SNX24: variants seen among roughly 807,000 people sequenced by gnomAD.
SNX24 encodes sorting nexin-24.
Under a neutral mutation model 28.7 loss-of-function variants are expected in SNX24, and 22 were observed. The observed-to-expected ratio is 0.77, with a 90% CI of 0.55 to 1.10. SNX24 has a LOEUF of 1.10. Ranked by LOEUF, SNX24 falls within the 50% of genes least tolerant of loss-of-function variation. SNX24 has a pLI of 0.00. For synonymous variants in SNX24, 69 were observed against 71.5 expected (o/e 0.96, Z 0.18); for missense variants, 221 against 201.1 (o/e 1.10, Z -0.60).
intron 3 of SNX24, among the ~76,000 whole-genome samples, chr5:122,994,039 AGT>A (rs773645448): frequency 3.3e-5 from 5 of 151,708 alleles, no homozygotes; most frequent in South Asian, 2.1e-4. Flanking sequence ...AATGGAAAGA[AGT>A]GTGTGTGTGT....
intron 1 of SNX24, among the ~76,000 whole-genome samples, chr5:122,867,191 C>T (rs1305111005): frequency 6.6e-6 from 1 of 152,228 alleles, no homozygotes; most frequent in Non-Finnish European, 1.5e-5. Flanking sequence ...ACCAAGCCAG[C>T]TGTTTCAGGA....
intron 1 of SNX24, among the ~76,000 whole-genome samples, chr5:122,875,125 A>G (rs974165518): frequency 6.6e-6 from 1 of 152,226 alleles, no homozygotes; most frequent in Admixed American, 6.5e-5. Context: ...TCAAGTAAAC[A>G]TTTGATAGAA....
At chr5:122,964,272 A>G (rs1321918645) in intron 3 of SNX24, among the ~76,000 whole-genome samples, 1 of 150,424 alleles carries the variant, frequency 6.6e-6, no homozygotes. Flanking sequence ...AAAAAAAAAA[A>G]GAACAATAGT....
intron 5 of SNX24, chr5:123,024,001 T>C (rs1335086853): frequency 6.2e-7 from 1 of 1,612,026 alleles, no homozygotes; most frequent in Non-Finnish European, 8.5e-7. Context: ...AGTGCACCAC[T>C]GTCTGGTGAG....
chr5:122,911,340 T>A (rs1364199048), intron 1 of SNX24, among the ~76,000 whole-genome samples: 1 of 152,216 alleles, frequency 6.6e-6, no homozygotes, highest in Admixed American at 6.5e-5. Flanking sequence ...TGTAAATTTG[T>A]TTGAGTTCAT....
intron 5 of SNX24, among the ~76,000 whole-genome samples, chr5:123,017,655 T>C (rs535976330): frequency 5.9e-5 from 9 of 151,940 alleles, no homozygotes; most frequent in Non-Finnish European, 1.3e-4. Flanking sequence ...AGGGACCCGG[T>C]GGGAGGTGGT....
rs200750794 is a variant in SNX24 at position 122,887,468 on chromosome 5, G to C, written c.60+41775G>C. ...CTGTGCTTTTTAAATCTGAGGACTCGGGTCTTTATTGAATTCTGGGAAATT... is the reference window on the plus strand; with the variant it reads ...CTGTGCTTTTTAAATCTGAGGACTCCGGTCTTTATTGAATTCTGGGAAATT... On this transcript the variant is annotated intron_variant, in intron 1 of 6. Transcript: ENST00000261369. 1.1e-4 allele frequency among the ~76,000 whole-genome samples: 16 copies of C among 152,164 alleles called. No homozygotes were observed. The East Asian group carries it at 2.3e-3, about 22-fold the overall frequency.
intron 1 of SNX24, among the ~76,000 whole-genome samples, chr5:122,873,675 T>C (rs144593144): frequency 6.6e-6 from 1 of 152,106 alleles, no homozygotes; most frequent in African/African-American, 2.4e-5. Flanking sequence ...TACCAGGCAC[T>C]GTACTGAGCC....
intron 1 of SNX24, among the ~76,000 whole-genome samples, chr5:122,924,241 A>T (rs937176315): frequency 1.4e-4 from 22 of 152,372 alleles, no homozygotes; most frequent in African/African-American, 5.3e-4. Context: ...AAGAATAACT[A>T]TTACAATAAT....
At chr5:122,987,142 G>T (rs1328302554) in intron 3 of SNX24, among the ~76,000 whole-genome samples, 5 of 152,112 alleles carry the variant, frequency 3.3e-5, no homozygotes, top group Admixed American at 3.3e-4. Context: ...GTGAAGCGTG[G>T]TTATCAGCTG....
chr5:123,012,344 A>ATTC (rs1370363568), downstream of SNX24, among the ~76,000 whole-genome samples: 12 of 152,246 alleles, frequency 7.9e-5, no homozygotes, highest in African/African-American at 2.9e-4. Context: ...TAAAAAGGAA[A>ATTC]TTCTGACACA....
chr5:122,908,847 A>G (rs944448814), intron 1 of SNX24, among the ~76,000 whole-genome samples: 1 of 152,186 alleles, frequency 6.6e-6, no homozygotes, highest in Non-Finnish European at 1.5e-5. Context: ...GGTGGAACGG[A>G]ATGTCCTGTG....
At chr5:123,004,341 G>C (rs982342487) in intron 6 of SNX24, among the ~76,000 whole-genome samples, 2 of 152,180 alleles carry the variant, frequency 1.3e-5, no homozygotes, top group Non-Finnish European at 2.9e-5. Context: ...AGTGATTTCA[G>C]TGTGGCTGAA....
At chr5:122,945,083 A>ATGAC (rs1402021405) in intron 2 of SNX24, among the ~76,000 whole-genome samples, 9 of 152,216 alleles carry the variant, frequency 5.9e-5, no homozygotes, top group Non-Finnish European at 1.0e-4. Flanking sequence ...TCAAGGTGTC[A>ATGAC]GCAGGATGAC....
intron 1 of SNX24, among the ~76,000 whole-genome samples, chr5:122,864,953 G>A (rs771877621): frequency 3.9e-5 from 6 of 152,226 alleles, no homozygotes; most frequent in African/African-American, 7.2e-5. Context: ...TTCCTCCCAA[G>A]GTTAGGTCAG....
chr5:123,028,939 A>G (rs998501507), intron 5 of SNX24: 1 of 1,296,954 alleles, frequency 7.7e-7, no homozygotes, highest in African/African-American at 1.5e-5. Flanking sequence ...GTGTTGATCT[A>G]GAAAGGACAA....
chr5:122,869,048 A>G (rs1420031007), intron 1 of SNX24, among the ~76,000 whole-genome samples: 1 of 152,250 alleles, frequency 6.6e-6, no homozygotes, highest in Non-Finnish European at 1.5e-5. Flanking sequence ...ATAAATGCAT[A>G]CCTGTGGAAA....
At chr5:123,021,856 T>TTATC (rs1274338438) in intron 5 of SNX24, among the ~76,000 whole-genome samples, 1 of 152,082 alleles carries the variant, frequency 6.6e-6, no homozygotes, top group Non-Finnish European at 1.5e-5. Flanking sequence ...TCACTCATCT[T>TTATC]TATCTTGGGA....
intron 1 of SNX24, among the ~76,000 whole-genome samples, chr5:122,917,550 A>G (rs1758235230): frequency 6.6e-6 from 1 of 152,162 alleles, no homozygotes; most frequent in Non-Finnish European, 1.5e-5. Flanking sequence ...TTCAGGACGG[A>G]GGATCTGAAG....
Sources: gnomAD v4.1 joint callset for allele counts (sites outside exome capture counted in the v4.1 genomes callset) on GRCh38, gnomAD v4.1.1 for gene constraint, MANE v1.5 for transcripts, NCBI Gene and HGNC (gene_info 2026-07-23, HGNC 2026-07-21) for gene names.